The following SMAD4 variants were observed in gnomAD, a reference collection of about 807,000 sequenced individuals.
SMAD4 encodes the protein SMAD family member 4.
Under a neutral mutation model 63.2 loss-of-function variants are expected in SMAD4, and 7 were observed. The ratio of observed to expected loss-of-function variants is 0.11; its 90% CI spans 0.06 to 0.21. SMAD4 has a LOEUF of 0.21. Ranked by LOEUF, SMAD4 falls within the 10% of genes least tolerant of loss-of-function variation. SMAD4 has a pLI of 1.00. For missense variants in SMAD4, 312 were observed against 693.8 expected (o/e 0.45, Z 6.18); for synonymous variants, 215 against 235.4 (o/e 0.91, Z 0.79).
rs530741382 is a variant in SMAD4 at position 51,081,105 on chromosome 18, A to G, written c.*2638A>G. ...AGCTTGGTTGTTAATCTATATTTCT[A>G]TTTCTTAGTGGTAGTCATCTTTGAT... is the stretch of plus-strand genomic sequence containing the variant. On this transcript the variant is annotated 3_prime_UTR_variant, in exon 12 of 12. Coordinates refer to ENST00000342988, the MANE Select transcript of SMAD4 (RefSeq NM_005359.6). 4.2e-5 allele frequency: 9 copies of G among 216,720 alleles called. No homozygotes were observed. The highest frequency in any genetic ancestry group is 3.4e-4 in the East Asian group (5 of 14,494). 13.4% of individuals were successfully genotyped at this position (216,720 alleles called of 1,614,324 possible).
intron 10 of SMAD4, among the ~76,000 whole-genome samples, chr18:51,073,384 TATATACAC>T (rs1187082570): frequency 9.3e-4 from 80 of 85,732 alleles, no homozygotes; most frequent in African/African-American, 3.1e-3. Context: ...TATATATATA[TATATACAC>T]ACACACACAC....
Position 51,076,643 on chromosome 18 carries a change from T to C in SMAD4, c.1314T>C (p.Phe438=). 1 of 1,613,912 alleles carries C rather than the reference T, an allele frequency of 6.2e-7. No individual in the cohort carries two copies. Among genetic ancestry groups the C allele is most frequent in the South Asian group, 1.1e-5 (1 of 91,070 alleles). ...GAAATGTTTTTTCTTAAAAGGTCTT[T>C]GATTTGCGTCAGTGTCATCGACAGA... is the stretch of plus-strand genomic sequence containing the variant. ...KIYPSAYIKV[F]DLRQCHRQMQ... is the part of the protein sequence containing the mutation. Residue 438 remains phenylalanine, a synonymous_variant, in exon 11 of 12, where the codon TTT becomes TTC. Transcript: ENST00000342988.
chr18:51,082,924 C>G lies in SMAD4; in HGVS notation c.*4457C>G, dbSNP rs1213140542. 8.8e-6 allele frequency: 2 copies of G among 226,456 alleles called. No individual in the cohort carries two copies. The highest frequency in any genetic ancestry group is 1.3e-4 in the East Asian group (2 of 15,776). The allele number at this position is 226,456 out of a possible 1,614,324, so 14.0% of individuals were successfully genotyped here. On this transcript the variant is annotated 3_prime_UTR_variant, in exon 12 of 12. Coordinates refer to ENST00000342988, the MANE Select transcript of SMAD4 (RefSeq NM_005359.6). ...GTTCTTTAAAACACAAGTACAAACT[C>G]TGGGACAGGACCCAAGACACTTTCC...
At chr18:51,045,474 G>C (rs943478549) in intron 1 of SMAD4, among the ~76,000 whole-genome samples, 1 of 152,120 alleles carries the variant, frequency 6.6e-6, no homozygotes, top group Admixed American at 6.5e-5. Flanking sequence ...ATTCTCTGTG[G>C]GGTCTTGGGA....
chr18:51,060,736 C>T (rs1227178146), intron 8 of SMAD4, among the ~76,000 whole-genome samples: 2 of 152,158 alleles, frequency 1.3e-5, no homozygotes, highest in African/African-American at 2.4e-5. Flanking sequence ...TAGTCTCAAG[C>T]GATCCTCTCA....
At chr18:51,033,612 T>C (rs574143902) in intron 1 of SMAD4, among the ~76,000 whole-genome samples, 19 of 152,258 alleles carry the variant, frequency 1.2e-4, no homozygotes, top group Non-Finnish European at 2.4e-4. Context: ...TATCTAGATA[T>C]ATTCATTTGA....
intron 10 of SMAD4, among the ~76,000 whole-genome samples, chr18:51,073,765 A>T (rs1021251932): frequency 6.6e-6 from 1 of 152,002 alleles, no homozygotes; most frequent in African/African-American, 2.4e-5. Flanking sequence ...TCCTGACCTC[A>T]AGTGATCCTC....
chr18:51,031,200 C>T (rs570850328), intron 1 of SMAD4, among the ~76,000 whole-genome samples: 1 of 152,264 alleles, frequency 6.6e-6, no homozygotes, highest in East Asian at 1.9e-4. Context: ...ATAAAACATG[C>T]TTCCTAATAA....
intron 8 of SMAD4, among the ~76,000 whole-genome samples, chr18:51,065,022 A>G (rs1224845561): frequency 6.6e-6 from 1 of 152,234 alleles, no homozygotes. Context: ...TACATAGAGA[A>G]TATGTGTAGT....
chr18:51,063,527 C>G (rs1025006439), intron 8 of SMAD4, among the ~76,000 whole-genome samples: 3 of 152,164 alleles, frequency 2.0e-5, no homozygotes, highest in Non-Finnish European at 4.4e-5. Context: ...ATTCTCCCAT[C>G]TCAGCCTCCC....
rs561352789 is a variant in SMAD4, at chr18:51,057,106, G to A, written c.668-1019G>A. Among the ~76,000 whole-genome samples, 3 of 152,140 alleles carry A rather than the reference G, an allele frequency of 2.0e-5. No individual in the cohort carries two copies. In the South Asian group the frequency reaches 6.2e-4, roughly 32 times the overall value. On this transcript the variant is annotated intron_variant, in intron 5 of 11. Transcript: ENST00000342988. The stretch of plus-strand genomic sequence containing the variant: ...TTAGCTTTTGGTTTTGTAATTCTTA[G>A]CTTTAAGGAAATGTGATATGTAAAG...
At chr18:51,056,265 T>C (rs973157379) in intron 5 of SMAD4, among the ~76,000 whole-genome samples, 1 of 152,190 alleles carries the variant, frequency 6.6e-6, no homozygotes, top group African/African-American at 2.4e-5. Flanking sequence ...GTTTATATTA[T>C]CTGGAGATTG....
At chr18:51,068,551 G>C (rs1910226708) in intron 10 of SMAD4, among the ~76,000 whole-genome samples, 1 of 152,124 alleles carries the variant, frequency 6.6e-6, no homozygotes, top group Admixed American at 6.6e-5. Flanking sequence ...TAGTCTGTTA[G>C]AACAATAGAA....
rs68159021 is a variant in SMAD4 at position 51,084,002 on chromosome 18, ACG to A, written c.*5545_*5546del. The stretch of plus-strand genomic sequence containing the variant: ...CAATAAACACTTAACGCGCGTGCGC[ACG>A]CGCGCGCGCACACACACACACACAC... On this transcript the variant is annotated 3_prime_UTR_variant, in exon 12 of 12. Coordinates refer to ENST00000342988, the MANE Select transcript of SMAD4 (RefSeq NM_005359.6). 2.3e-3 allele frequency: 213 copies of A among 94,514 alleles called. No individual in the cohort carries two copies. The highest frequency in any genetic ancestry group is 6.4e-3 in the African/African-American group (166 of 25,938). The allele number at this position is 94,514 out of a possible 1,614,324, so 5.9% of individuals were successfully genotyped here.
chr18:51,067,284 A>C, intron 10 of SMAD4, 97 bp downstream of exon 10: 1 of 625,138 alleles, frequency 1.6e-6, no homozygotes, highest in Admixed American at 2.8e-5. Context: ...AATGTTTTAT[A>C]TATTAAATAA....
chr18:51,071,663 G>A (rs1039873620), intron 10 of SMAD4, among the ~76,000 whole-genome samples: 2 of 152,050 alleles, frequency 1.3e-5, no homozygotes, highest in African/African-American at 2.4e-5. Flanking sequence ...ATTTAAATTG[G>A]ACAATTCAAT....
rs773952731 is a variant in SMAD4, at chr18:51,066,989, A to T, written c.1140-30A>T. ...AATTTAATTTAAAATACTTATCAAGATAAAATGTAATTTCTTTTTTCTTCC... is the reference window on the plus strand; with the variant it reads ...AATTTAATTTAAAATACTTATCAAGTTAAAATGTAATTTCTTTTTTCTTCC... On this transcript the variant is annotated intron_variant, in intron 9 of 11. Coordinates refer to ENST00000342988, the MANE Select transcript of SMAD4 (RefSeq NM_005359.6). The T allele has an allele frequency of 1.6e-5, 24 of 1,546,156 alleles. No homozygotes were observed. The East Asian group carries it at 4.9e-4, about 32-fold the overall frequency.
At chr18:51,032,128 A>G (rs1414020783) in intron 1 of SMAD4, among the ~76,000 whole-genome samples, 3 of 152,216 alleles carry the variant, frequency 2.0e-5, no homozygotes, top group Non-Finnish European at 2.9e-5. Context: ...GACGATGGTG[A>G]ATTATGTAGG....
At chr18:51,042,301 T>TCCCTCCC (rs1568201615) in intron 1 of SMAD4, among the ~76,000 whole-genome samples, 38 of 60,744 alleles carry the variant, frequency 6.3e-4, no homozygotes, top group African/African-American at 1.8e-3. Flanking sequence ...CCCTCCCTCC[T>TCCCTCCC]TCCCTCCCTC....
Sources: allele counts gnomAD v4.1 joint callset (sites outside exome capture counted in the v4.1 genomes callset), GRCh38; gene constraint gnomAD v4.1.1; transcripts MANE v1.5; gene names NCBI Gene and HGNC (gene_info 2026-07-23, HGNC 2026-07-21).